KASH5: variants seen among roughly 807,000 people sequenced by gnomAD.
KASH5 encodes the protein protein KASH5.
KASH5 carries 72 observed loss-of-function variants against 84.2 expected under a neutral mutation model. The observed-to-expected ratio is 0.85, with a 90% CI of 0.71 to 1.04. KASH5 has a LOEUF of 1.04. KASH5 is among the 50% of genes least tolerant of loss of function. The pLI, the probability that KASH5 is intolerant of heterozygous loss-of-function variation, is 0.00. For synonymous variants in KASH5, 260 were observed against 279.1 expected, an observed-to-expected ratio of 0.93 and a Z score of 0.68; for missense variants, 650 against 701.0, an observed-to-expected ratio of 0.93 and a Z score of 0.82.
intron 2 of KASH5, 93 bp from the exon 3 acceptor site, chr19:49,394,383 C>A: frequency 1.1e-6 from 1 of 947,674 alleles, no homozygotes; most frequent in Non-Finnish European, 1.7e-6. Context: ...AATTCCCTCC[C>A]CGCTACAGAG....
chr19:49,409,061 G>T lies in KASH5; in HGVS notation c.1058+30G>T, dbSNP rs923271237. On this transcript the variant is annotated intron_variant, in intron 13 of 19. Transcript: ENST00000447857. The stretch of plus-strand genomic sequence containing the variant: ...GTGGAATTTCAAGGGGTAGGAGGAG[G>T]CAGGAGGGGAGCCTAAGGGCAGGGA... 4.4e-6 allele frequency: 7 copies of T among 1,582,668 alleles called. No individual in the cohort carries two copies. The African/African-American group carries it at 8.1e-5, about 18-fold the overall frequency.
At chr19:49,404,438 A>G (rs1444092705) in intron 9 of KASH5, among the ~76,000 whole-genome samples, 3 of 152,064 alleles carry the variant, frequency 2.0e-5, no homozygotes, top group Non-Finnish European at 2.9e-5. Context: ...TCTCCGGCCT[A>G]TTGTTTTCCC....
rs543452027 is a variant in KASH5 at position 49,395,503 on chromosome 19, G to T, written c.335+211G>T. 1.4e-4 allele frequency among the ~76,000 whole-genome samples: 22 copies of T among 152,308 alleles called. No homozygotes were observed. The highest frequency in any genetic ancestry group is 5.3e-4 in the African/African-American group (22 of 41,560). The stretch of plus-strand genomic sequence containing the variant: ...GGATGAGGAAGCAGAGGGGGTCTGG[G>T]AGACAGAAATAAAATGGGGCTGGAG... On this transcript the variant is annotated intron_variant, in intron 4 of 19. Coordinates refer to ENST00000447857, the MANE Select transcript of KASH5 (RefSeq NM_144688.5). This position sits in a 1 kb window ranked among gnomAD's most constrained non-coding sequence, Gnocchi z 4.4.
At chr19:49,405,942 G>C (rs1434598377) in intron 9 of KASH5, among the ~76,000 whole-genome samples, 2 of 140,616 alleles carry the variant, frequency 1.4e-5, no homozygotes, top group Non-Finnish European at 3.0e-5. Flanking sequence ...GGCAACATGA[G>C]GGAAACTCCG....
chr19:49,400,687 C>A (rs1974337257), intron 9 of KASH5, among the ~76,000 whole-genome samples: 1 of 152,036 alleles, frequency 6.6e-6, no homozygotes, highest in Non-Finnish European at 1.5e-5. Context: ...CCACACCTGA[C>A]CTACTTTTAT....
chr19:49,407,075 C>A, intron 10 of KASH5, 112 bp downstream of exon 10: 1 of 1,293,648 alleles, frequency 7.7e-7, no homozygotes, highest in South Asian at 1.3e-5. Context: ...ATCAAGCTGT[C>A]AGGCTCCCAG....
intron 9 of KASH5, among the ~76,000 whole-genome samples, chr19:49,406,438 G>A (rs1974528195): frequency 1.3e-5 from 2 of 152,136 alleles, no homozygotes; most frequent in Non-Finnish European, 1.5e-5. Flanking sequence ...GTGCAGTGGG[G>A]CGATCTTGGC....
chr19:49,413,802 C>G (rs1432962994), intron 16 of KASH5, among the ~76,000 whole-genome samples: 1 of 152,086 alleles, frequency 6.6e-6, no homozygotes, highest in African/African-American at 2.4e-5. Context: ...ATGTAGCCAG[C>G]TGTGAGGGCT....
rs1489075774 is a variant in KASH5 at position 49,395,482 on chromosome 19, G to T, written c.335+190G>T. 1.3e-5 allele frequency among the ~76,000 whole-genome samples: 2 copies of T among 152,222 alleles called. No homozygotes were observed. Among genetic ancestry groups the T allele is most frequent in the Admixed American group, 1.3e-4 (2 of 15,290 alleles). On this transcript the variant is annotated intron_variant, in intron 4 of 19. Coordinates refer to ENST00000447857, the MANE Select transcript of KASH5 (RefSeq NM_144688.5). This position sits in a 1 kb window ranked among gnomAD's most constrained non-coding sequence, Gnocchi z 4.4. ...AGTCTGAGGACAAAATAATTTGGATGAGGAAGCAGAGGGGGTCTGGGAGAC... is the reference window on the plus strand; with the variant it reads ...AGTCTGAGGACAAAATAATTTGGATTAGGAAGCAGAGGGGGTCTGGGAGAC...
At chr19:49,409,404 G>A (rs543512555) in intron 14 of KASH5, 121 bp downstream of exon 14, 19 of 1,042,400 alleles carry the variant, frequency 1.8e-5, no homozygotes, top group East Asian at 7.8e-5. Flanking sequence ...GGCTCCTATC[G>A]CAACCTTAGC....
chr19:49,398,583 G>A (rs989546391), intron 7 of KASH5, among the ~76,000 whole-genome samples: 3 of 152,022 alleles, frequency 2.0e-5, no homozygotes, highest in Non-Finnish European at 4.4e-5. Flanking sequence ...TGCCCATGCT[G>A]GTCTCAAACT....
intron 15 of KASH5, among the ~76,000 whole-genome samples, chr19:49,410,958 G>T (rs1180716890): frequency 1.3e-5 from 2 of 149,726 alleles, no homozygotes. Context: ...TTTTGAGACG[G>T]TCTCACTCGC....
chr19:49,415,308 C>A (rs1222093162), intron 17 of KASH5: 3 of 450,510 alleles, frequency 6.7e-6, no homozygotes, highest in Non-Finnish European at 1.2e-5. Flanking sequence ...CATAAATGCA[C>A]ACGCACATGC....
At position 49,417,324 on chromosome 19, in the gene KASH5, G is replaced by T. The variant is rs751057027; in HGVS notation, c.1548-45G>T. 2 of 1,572,844 alleles carry T rather than the reference G, an allele frequency of 1.3e-6. No homozygotes were observed. The highest frequency in any genetic ancestry group is 1.7e-6 in the Non-Finnish European group (2 of 1,158,576). On this transcript the variant is annotated intron_variant, in intron 19 of 19. Coordinates refer to ENST00000447857, the MANE Select transcript of KASH5 (RefSeq NM_144688.5). The surrounding 1 kb of genome is among the most constrained non-coding windows in gnomAD (Gnocchi z 5.2). ...GTGGTCTGACATTGGGAAGAGCAGGGGCTGCCCAGACCCTGCCCTAAATGC... is the reference window on the plus strand; with the variant it reads ...GTGGTCTGACATTGGGAAGAGCAGGTGCTGCCCAGACCCTGCCCTAAATGC...
chr19:49,399,032 C>G lies in KASH5; in HGVS notation c.637C>G (p.Gln213Glu). 6.4e-7 allele frequency: 1 copy of G among 1,551,232 alleles called. No homozygotes were observed. Among genetic ancestry groups the G allele is most frequent in the Non-Finnish European group, 8.7e-7 (1 of 1,146,710 alleles). Residue 213 changes from glutamine to glutamate, a missense_variant, in exon 8 of 20, where the codon CAG (glutamine) becomes GAG (glutamate). Coordinates refer to ENST00000447857, the MANE Select transcript of KASH5 (RefSeq NM_144688.5). The surrounding 1 kb of genome is among the most constrained non-coding windows in gnomAD (Gnocchi z 4.4). The stretch of plus-strand genomic sequence containing the variant: ...GCCCCCACCCGCATTCAGCACCCAG[C>G]AGGCCCTGCAGTTTGCCAAGGCCAT... ...ALRKQLHSTQ[Q>E]ALQFAKAMDE...
At chr19:49,415,252 G>C in intron 17 of KASH5, 1 of 566,572 alleles carries the variant, frequency 1.8e-6, no homozygotes, top group Non-Finnish European at 3.2e-6. Context: ...CAGGGCTGCA[G>C]CCACCACACC....
intron 1 of KASH5, 80 bp from the exon 2 acceptor site, chr19:49,390,709 C>A: frequency 1.6e-6 from 1 of 617,728 alleles, no homozygotes; most frequent in Non-Finnish European, 2.7e-6. Flanking sequence ...ACCCAGAGGT[C>A]CTGGGGCACA....
intron 9 of KASH5, among the ~76,000 whole-genome samples, chr19:49,405,955 T>TGAAA (rs1287062409): frequency 1.4e-5 from 1 of 72,186 alleles, no homozygotes; most frequent in African/African-American, 9.8e-5. Context: ...AAACTCCGTC[T>TGAAA]CAAAAAAAAA....
intron 14 of KASH5, 107 bp from the exon 15 acceptor site, chr19:49,409,646 A>C (rs1193860056): frequency 7.1e-7 from 1 of 1,400,950 alleles, no homozygotes. Flanking sequence ...GCCCTTTTCT[A>C]TCTCTCATCC....
Sources: allele counts gnomAD v4.1 joint callset (sites outside exome capture counted in the v4.1 genomes callset), GRCh38; gene constraint gnomAD v4.1.1; non-coding constraint Gnocchi (gnomAD v3.1); transcripts MANE v1.5; gene names NCBI Gene and HGNC (gene_info 2026-07-23, HGNC 2026-07-21).